Variants in EXOC3 observed in about 807,000 individuals in gnomAD.
EXOC3 encodes the protein SEC6-like 1.
EXOC3 carries 21 observed loss-of-function variants against 73.7 expected under a neutral mutation model. The observed-to-expected ratio is 0.29, with a 90% confidence interval of 0.20 to 0.41. The LOEUF (loss-of-function observed/expected upper bound fraction) is 0.41, where lower values mean the gene tolerates loss of function less well. Among genes scored for constraint, EXOC3 ranks in the 10% least tolerant of loss-of-function variants. The probability of loss-of-function intolerance (pLI) is 1.00; values close to 1 mark genes in which losing one functional copy is unlikely to be tolerated. For missense variants in EXOC3, 842 were observed against 985.1 expected (o/e 0.85, Z 1.95); for synonymous variants, 410 against 389.1 (o/e 1.05, Z -0.63).
At chr5:445,852 T>C (rs1164322179) in intron 1 of EXOC3, among the ~76,000 whole-genome samples, 2 of 152,172 alleles carry the variant, frequency 1.3e-5, no homozygotes, top group Non-Finnish European at 2.9e-5. Context: ...AGATGTGCCT[T>C]TGAGGCTGAC....
intron 3 of EXOC3, among the ~76,000 whole-genome samples, chr5:449,125 AT>A (rs1737585571): frequency 1.3e-5 from 2 of 152,230 alleles, no homozygotes; most frequent in African/African-American, 4.8e-5. Flanking sequence ...GCAGTTGAAA[AT>A]AATTTCCTTT....
rs765527630 is a variant in EXOC3, at chr5:466,823, G to C, written c.2163G>C (p.Gln721His). ...IMETLEQGPA[Q>H]ASPSYVPLFK... ...AGACCCTGGAGCAGGGCCCAGCACAGGCCAGCCCCAGCTACGTGCCCCTCT... is the reference window on the plus strand; with the variant it reads ...AGACCCTGGAGCAGGGCCCAGCACACGCCAGCCCCAGCTACGTGCCCCTCT... The change falls in exon 13 of 13, where the codon CAG (glutamine) becomes CAC (histidine). Residue 721 changes from glutamine (Q) to histidine (H), a missense_variant. Physicochemically the swap from Gln to His is conservative, Grantham distance 24. Transcript: ENST00000512944. The C allele has an allele frequency of 1.9e-6, 3 of 1,613,448 alleles. No homozygotes were observed. In the South Asian group the frequency reaches 3.3e-5, roughly 18 times the overall value.
At chr5:464,194 G>C in intron 9 of EXOC3, 96 bp from the exon 10 acceptor site, 1 of 1,217,596 alleles carries the variant, frequency 8.2e-7, no homozygotes, top group Admixed American at 2.0e-5. Flanking sequence ...CAGCTCTCGT[G>C]GGGCGTTGAG....
At chr5:448,957 A>G (rs1737581586) in intron 3 of EXOC3, among the ~76,000 whole-genome samples, 1 of 152,236 alleles carries the variant, frequency 6.6e-6, no homozygotes, top group South Asian at 2.1e-4. Flanking sequence ...TGGAACAGGA[A>G]TAAAGTCCTC....
chr5:451,026 CTT>C (rs1737646312), intron 3 of EXOC3, among the ~76,000 whole-genome samples: 1 of 152,118 alleles, frequency 6.6e-6, no homozygotes. Context: ...TTGCCTACCT[CTT>C]TTGATGGAAG....
In EXOC3 at chr5:466,843, C is replaced by T. The variant is rs1176779322; in HGVS notation, c.2183C>T (p.Pro728Leu). ...GCACAGGCCAGCCCCAGCTACGTGC[C>T]CCTCTTCAAGGACATTGTGGTGCCC... ...GPAQASPSYV[P>L]LFKDIVVPSL... Residue 728 changes from proline (P) to leucine (L), a missense_variant, in exon 13 of 13, where the codon CCC (proline) becomes CTC (leucine). Physicochemically the swap from Pro to Leu is moderately conservative, Grantham distance 98 (BLOSUM62 -3). Coordinates refer to ENST00000512944, the MANE Select transcript of EXOC3 (RefSeq NM_007277.5). 6.2e-7 allele frequency: 1 copy of T among 1,613,064 alleles called. No individual in the cohort carries two copies. Among genetic ancestry groups the T allele is most frequent in the Non-Finnish European group, 8.5e-7 (1 of 1,179,594 alleles).
At chr5:464,568 T>A (rs1413715692) in intron 10 of EXOC3, 156 bp downstream of exon 10, 2 of 708,598 alleles carry the variant, frequency 2.8e-6, no homozygotes, top group Non-Finnish European at 4.7e-6. Flanking sequence ...GGACGCCACC[T>A]CCCTGGGACG....
At chr5:460,128 T>G (rs577285081) in intron 7 of EXOC3, among the ~76,000 whole-genome samples, 3 of 152,332 alleles carry the variant, frequency 2.0e-5, no homozygotes, top group African/African-American at 7.2e-5. Flanking sequence ...ACATGCACGG[T>G]GACTCCGTGG....
At position 457,943 on chromosome 5, in the gene EXOC3, A is replaced by G. The variant is rs1737869684; in HGVS notation, c.1208A>G (p.Lys403Arg). Residue 403 changes from lysine (K) to arginine (R), a missense_variant, in exon 6 of 13, where the codon AAG becomes AGG. By Grantham distance (26) the Lys-to-Arg change is conservative (BLOSUM62 2). Transcript: ENST00000512944. ...CTGCGGAAAGCGCTGGAGACAGACA[A>G]GAAAGACTGGGTCAAAGAGACAGAG... is the stretch of plus-strand genomic sequence containing the variant. ...AWLRKALETD[K>R]KDWVKETEPE... The G allele has an allele frequency of 1.2e-6, 2 of 1,611,804 alleles. No homozygotes were observed. The highest frequency in any genetic ancestry group is 4.5e-5 in the East Asian group (2 of 44,854).
At chr5:459,194 T>A (rs1215409052) in intron 6 of EXOC3, among the ~76,000 whole-genome samples, 165 bp from the exon 7 acceptor site, 4 of 141,716 alleles carry the variant, frequency 2.8e-5, no homozygotes, top group African/African-American at 8.2e-5. Context: ...TTTTTTTTTT[T>A]AAACTAACTT....
Position 446,242 on chromosome 5 carries a change from G to A in EXOC3, c.37G>A (p.Val13Met), listed in dbSNP as rs1203667403. ...AGACCGGGAGGCCGTTGCGACAGCA[G>A]TGCAAAGGGTTGCTGGGATGCTCCA... Reference protein sequence around the residue: ...ETDREAVATAVQRVAGMLQRP... With the variant: ...ETDREAVATAMQRVAGMLQRP... The change falls in exon 2 of 13, where the codon GTG becomes ATG. Residue 13 changes from valine to methionine, a missense_variant. By Grantham distance (21) the Val-to-Met change is conservative. Coordinates refer to ENST00000512944, the MANE Select transcript of EXOC3 (RefSeq NM_007277.5). 1 of 1,613,900 alleles carries A rather than the reference G, an allele frequency of 6.2e-7. No homozygotes were observed. The highest frequency in any genetic ancestry group is 8.5e-7 in the Non-Finnish European group (1 of 1,179,886).
intron 5 of EXOC3, 131 bp downstream of exon 5, chr5:457,137 C>T (rs966410280): frequency 7.6e-5 from 50 of 661,048 alleles, no homozygotes; most frequent in Non-Finnish European, 1.1e-4. Flanking sequence ...CTCAGTTGCC[C>T]GGGCTCTGCT....
At chr5:453,095 C>T (rs1487263634) in intron 3 of EXOC3, among the ~76,000 whole-genome samples, 6 of 152,242 alleles carry the variant, frequency 3.9e-5, no homozygotes, top group Non-Finnish European at 7.3e-5. Context: ...CACATCAGCA[C>T]ATGCACAGCT....
intron 10 of EXOC3, chr5:464,657 G>A: frequency 4.2e-6 from 2 of 471,382 alleles, no homozygotes; most frequent in Non-Finnish European, 7.8e-6. Context: ...AGAGGCCCGC[G>A]TGCCCCGTCT....
Position 462,240 on chromosome 5 carries a change from G to A in EXOC3, c.1586G>A (p.Gly529Glu). The A allele has an allele frequency of 6.2e-7, 1 of 1,613,964 alleles. No individual in the cohort carries two copies. The change falls in exon 9 of 13, where the codon GGG (glycine) becomes GAG (glutamate). Residue 529 changes from glycine to glutamate, a missense_variant. Gly to Glu is a moderately conservative substitution (Grantham distance 98, BLOSUM62 -2). Coordinates refer to ENST00000512944, the MANE Select transcript of EXOC3 (RefSeq NM_007277.5). ...TCTCCGAGCCAGCCCAGCATGGACG[G>A]GATTTTAGACGCCATCGCGAAGGAG... is the stretch of plus-strand genomic sequence containing the variant. ...GVSPSQPSMD[G>E]ILDAIAKEGC...
chr5:452,430 A>G (rs1458808833), intron 3 of EXOC3, among the ~76,000 whole-genome samples: 1 of 145,288 alleles, frequency 6.9e-6, no homozygotes, highest in African/African-American at 2.6e-5. Context: ...TTGCTCATAC[A>G]TGTCTTTCTT....
chr5:462,724 C>T (rs1738026376), intron 9 of EXOC3, among the ~76,000 whole-genome samples: 1 of 152,160 alleles, frequency 6.6e-6, no homozygotes, highest in Non-Finnish European at 1.5e-5. Context: ...GCATAACCTA[C>T]CATGAAATGT....
At chr5:464,579 G>A in intron 10 of EXOC3, 167 bp downstream of exon 10, 1 of 657,180 alleles carries the variant, frequency 1.5e-6, no homozygotes, top group Non-Finnish European at 2.6e-6. Flanking sequence ...CCCTGGGACG[G>A]GGCTCTGGTG....
In EXOC3 at chr5:462,288, A is replaced by T; in HGVS notation, c.1634A>T (p.Glu545Val). 1 of 1,613,904 alleles carries T rather than the reference A, an allele frequency of 6.2e-7. No individual in the cohort carries two copies. Among genetic ancestry groups the T allele is most frequent in the South Asian group, 1.1e-5 (1 of 91,090 alleles). Residue 545 changes from glutamate to valine, a missense_variant, in exon 9 of 13, where the codon GAG (glutamate) becomes GTG (valine). By Grantham distance (121) the Glu-to-Val change is moderately radical (BLOSUM62 -2). Coordinates refer to ENST00000512944, the MANE Select transcript of EXOC3 (RefSeq NM_007277.5). ...AKEGCSGLLE[E>V]VFLDLEQHLN... Reference sequence around the variant, plus strand: ...GAGGGCTGCAGCGGTTTGCTGGAGGAGGTCTTCCTGGACCTGGAGGTGGGC... The same window carrying T: ...GAGGGCTGCAGCGGTTTGCTGGAGGTGGTCTTCCTGGACCTGGAGGTGGGC...
Sources: gnomAD v4.1 joint callset for allele counts (sites outside exome capture counted in the v4.1 genomes callset) on GRCh38, gnomAD v4.1.1 for gene constraint, MANE v1.5 for transcripts, NCBI Gene and HGNC (gene_info 2026-07-23, HGNC 2026-07-21) for gene names.